The following XKR9 variants were observed in gnomAD, a reference collection of about 807,000 sequenced individuals.
XKR9 encodes the protein XK related 9.
In XKR9, 32 loss-of-function variants were observed where a neutral mutation model predicts 32.0. That is an observed-to-expected ratio of 1.00 (90% CI 0.76 to 1.34). The LOEUF is 1.34. Ranked by LOEUF, XKR9 falls within the 40% of genes most tolerant of loss-of-function variation. The pLI is 0.00. For synonymous variants in XKR9, 168 were observed against 143.4 expected (o/e 1.17, Z -1.22); for missense variants, 546 against 429.7 (o/e 1.27, Z -2.39).
chr8:70,801,070 T>TA, the XKR9 span, among the ~76,000 whole-genome samples: 1 of 151,950 alleles, frequency 6.6e-6, no homozygotes, highest in African/African-American at 2.4e-5. Flanking sequence ...TCTATTTTTT[T>TA]AAAAAAATTA....
At chr8:70,988,134 G>T in the XKR9 span, among the ~76,000 whole-genome samples, 1 of 152,082 alleles carries the variant, frequency 6.6e-6, no homozygotes, top group African/African-American at 2.4e-5. Context: ...GGGCTGCCAC[G>T]CTATAATGAG....
the XKR9 span, among the ~76,000 whole-genome samples, chr8:71,012,501 T>C: frequency 6.6e-6 from 1 of 152,178 alleles, no homozygotes; most frequent in Non-Finnish European, 1.5e-5. Flanking sequence ...GAAGCTGAGA[T>C]GTACCCTGGG....
chr8:70,973,985 G>A, the XKR9 span, among the ~76,000 whole-genome samples: 1 of 152,140 alleles, frequency 6.6e-6, no homozygotes, highest in Non-Finnish European at 1.5e-5. Context: ...TCCATTTGTT[G>A]TAGGGTATAG....
the XKR9 span, among the ~76,000 whole-genome samples, chr8:70,867,893 T>C: frequency 2.6e-5 from 4 of 151,902 alleles, no homozygotes; most frequent in East Asian, 5.8e-4. Flanking sequence ...ACAATGGGGG[T>C]ATAGGCATTG....
At chr8:71,046,282 T>C in the XKR9 span, among the ~76,000 whole-genome samples, 1 of 152,234 alleles carries the variant, frequency 6.6e-6, no homozygotes, top group South Asian at 2.1e-4. Flanking sequence ...CAACAGCCGA[T>C]ATGAGCCCAA....
chr8:70,720,005 G>A (rs1586853771), intron 4 of XKR9, among the ~76,000 whole-genome samples: 1 of 152,052 alleles, frequency 6.6e-6, no homozygotes, highest in African/African-American at 2.4e-5. Flanking sequence ...TTTTTGAAGA[G>A]GTCCTTTGCA....
At chr8:70,766,582 C>G (rs1190869651) in intron 2 of XKR9, among the ~76,000 whole-genome samples, 1 of 152,146 alleles carries the variant, frequency 6.6e-6, no homozygotes, top group African/African-American at 2.4e-5. Context: ...TTTGAATACC[C>G]TTTATTTCTT....
chr8:70,803,152 T>C, the XKR9 span, among the ~76,000 whole-genome samples: 1 of 152,206 alleles, frequency 6.6e-6, no homozygotes, highest in African/African-American at 2.4e-5. Context: ...TCATTTTCCT[T>C]TATTTTTTAA....
downstream of XKR9, among the ~76,000 whole-genome samples, chr8:70,739,499 A>T (rs1223688404): frequency 1.3e-5 from 2 of 152,062 alleles, no homozygotes; most frequent in East Asian, 3.9e-4. Context: ...TGCGAATTTG[A>T]TCCTGTCATT....
the XKR9 span, among the ~76,000 whole-genome samples, chr8:70,837,771 C>T: frequency 6.6e-6 from 1 of 151,998 alleles, no homozygotes; most frequent in Non-Finnish European, 1.5e-5. Flanking sequence ...GCAGTGTCCT[C>T]AAAGGATAAC....
At chr8:71,009,694 T>G in the XKR9 span, among the ~76,000 whole-genome samples, 2 of 152,170 alleles carry the variant, frequency 1.3e-5, no homozygotes, top group Non-Finnish European at 1.5e-5. Context: ...TTCCTTTCAC[T>G]CTCATGGTGA....
intron 2 of XKR9, among the ~76,000 whole-genome samples, chr8:70,759,831 T>C (rs998127624): frequency 9.2e-5 from 14 of 152,210 alleles, no homozygotes; most frequent in Non-Finnish European, 1.8e-4. Context: ...AAGCCTTTTT[T>C]ATTTATTCAT....
At chr8:70,693,905 T>C (rs1255320190) in intron 3 of XKR9, among the ~76,000 whole-genome samples, 2 of 151,708 alleles carry the variant, frequency 1.3e-5, no homozygotes, top group Non-Finnish European at 2.9e-5. Context: ...GCAAAGAGGC[T>C]TTCAGTTGCC....
chr8:70,774,674 A>T (rs1368682432), intron 2 of XKR9, among the ~76,000 whole-genome samples: 1 of 152,098 alleles, frequency 6.6e-6, no homozygotes, highest in African/African-American at 2.4e-5. Flanking sequence ...TCCTCTCCCC[A>T]TCAAATTATT....
the XKR9 span, among the ~76,000 whole-genome samples, chr8:71,027,885 C>T: frequency 6.6e-6 from 1 of 151,926 alleles, no homozygotes; most frequent in Non-Finnish European, 1.5e-5. Context: ...GATCCTCCCA[C>T]CTCGGCCTTC....
At position 70,759,323 on chromosome 8, in the gene XKR9, C is replaced by G. The variant is rs73684546; in HGVS notation, n.353-30016C>G. Among the ~76,000 whole-genome samples the G allele has an allele frequency of 9.7e-3, 1,477 of 151,980 alleles. 23 individuals are homozygous for G. The highest frequency in any genetic ancestry group is 0.034 in the African/African-American group (1,407 of 41,420). ...GGTATTATTAATAGGACTCACTTTTCAGAAAATAATAGCTATTTTAGAAAG... is the reference window on the plus strand; with the variant it reads ...GGTATTATTAATAGGACTCACTTTTGAGAAAATAATAGCTATTTTAGAAAG... On this transcript the variant is annotated intron_variant and non_coding_transcript_variant, in intron 2 of 3. Transcript: ENST00000520273.
At chr8:70,879,398 G>C in the XKR9 span, among the ~76,000 whole-genome samples, 1 of 151,902 alleles carries the variant, frequency 6.6e-6, no homozygotes, top group African/African-American at 2.4e-5. Context: ...CAACAAAATT[G>C]ATAGACCACT....
At chr8:70,756,274 T>A (rs986489809) in intron 2 of XKR9, among the ~76,000 whole-genome samples, 1 of 152,234 alleles carries the variant, frequency 6.6e-6, no homozygotes, top group Non-Finnish European at 1.5e-5. Context: ...TGTTGCTTTA[T>A]AGTAAGTTTT....
At chr8:70,970,079 A>G in the XKR9 span, among the ~76,000 whole-genome samples, 2 of 152,100 alleles carry the variant, frequency 1.3e-5, no homozygotes, top group South Asian at 2.1e-4. Flanking sequence ...CCATTATTTT[A>G]TTCCTTTTTA....
Sources: allele counts gnomAD v4.1 joint callset (sites outside exome capture counted in the v4.1 genomes callset), GRCh38; gene constraint gnomAD v4.1.1; transcripts MANE v1.5; gene names NCBI Gene and HGNC (gene_info 2026-07-23, HGNC 2026-07-21).